The following SEC22C variants were observed in gnomAD, a reference collection of about 807,000 sequenced individuals.
SEC22C encodes vesicle-trafficking protein SEC22c.
Under a neutral mutation model 34.7 loss-of-function variants are expected in SEC22C, and 29 were observed. The ratio of observed to expected loss-of-function variants is 0.84; its 90% CI spans 0.62 to 1.14. SEC22C has a LOEUF of 1.14. Among genes scored for constraint, SEC22C ranks in the 50% most tolerant of loss-of-function variants. SEC22C has a pLI of 0.00. For synonymous variants in SEC22C, 117 were observed against 132.8 expected, an observed-to-expected ratio of 0.88 and a Z score of 0.82; for missense variants, 337 against 369.0, an observed-to-expected ratio of 0.91 and a Z score of 0.71.
intron 1 of SEC22C, among the ~76,000 whole-genome samples, chr3:42,594,170 T>A (rs1704957916): frequency 1.3e-5 from 2 of 152,240 alleles, no homozygotes; most frequent in South Asian, 4.1e-4. Flanking sequence ...TGCGCAAAGA[T>A]AGATCTGGGA....
chr3:42,563,192 G>C (rs183136489), intron 3 of SEC22C, among the ~76,000 whole-genome samples: 1 of 152,222 alleles, frequency 6.6e-6, no homozygotes, highest in Non-Finnish European at 1.5e-5. Context: ...GCATAGCCAC[G>C]TTCTGCTTTA....
At chr3:42,565,471 C>T (rs927674122) in intron 2 of SEC22C, among the ~76,000 whole-genome samples, 5 of 152,014 alleles carry the variant, frequency 3.3e-5, no homozygotes, top group African/African-American at 1.2e-4. Flanking sequence ...TTGAGTTTGT[C>T]CCCCCAAAAA....
At chr3:42,591,970 T>C (rs1387304560) in intron 1 of SEC22C, among the ~76,000 whole-genome samples, 2 of 152,180 alleles carry the variant, frequency 1.3e-5, no homozygotes, top group Non-Finnish European at 2.9e-5. Flanking sequence ...CCTTTCTCTG[T>C]TAAGTGAAGG....
intron 1 of SEC22C, among the ~76,000 whole-genome samples, chr3:42,578,622 T>C (rs1211799158): frequency 6.6e-6 from 1 of 151,974 alleles, no homozygotes; most frequent in Non-Finnish European, 1.5e-5. Flanking sequence ...AATTATATAA[T>C]ATGTAATCAA....
In SEC22C at chr3:42,558,624, T is replaced by TA. The variant is rs1013111518; in HGVS notation, c.527-929dup. On this transcript the variant is annotated intron_variant, in intron 4 of 6. Coordinates refer to ENST00000264454, the MANE Select transcript of SEC22C (RefSeq NM_032970.4). ...CAACATGGTGAAACCCCATCTCTAT[T>TA]AAAAAAAAAATACAAAAATTAGCCA... Among the ~76,000 whole-genome samples, 76 of 147,642 alleles carry TA rather than the reference T, an allele frequency of 5.1e-4. 1 individual carries two copies. In the East Asian group the frequency reaches 8.3e-3, roughly 16 times the overall value.
intron 1 of SEC22C, chr3:42,595,234 CAT>C (rs1443284618): frequency 6.6e-6 from 1 of 152,190 alleles, no homozygotes; most frequent in East Asian, 1.9e-4. Flanking sequence ...ATAAGATTCA[CAT>C]GTTGTATTTT....
chr3:42,593,471 C>CAAAT (rs1483669394), intron 1 of SEC22C, among the ~76,000 whole-genome samples: 1 of 152,086 alleles, frequency 6.6e-6, no homozygotes, highest in Non-Finnish European at 1.5e-5. Context: ...AGGTTATATA[C>CAAAT]AAATACTATG....
At chr3:42,585,786 C>T (rs1704590618), upstream of SEC22C, among the ~76,000 whole-genome samples, 1 of 152,206 alleles carries the variant, frequency 6.6e-6, no homozygotes, top group South Asian at 2.1e-4. Flanking sequence ...CAAAATCTCA[C>T]AACCACACAG....
Position 42,548,906 on chromosome 3 carries a change from C to A in SEC22C, c.*4342G>T. ...TCCTCCCACACACAATGGACTCACCCAGTATTACCCTCCACTACCACTTTT... is the reference window on the plus strand; with the variant it reads ...TCCTCCCACACACAATGGACTCACCAAGTATTACCCTCCACTACCACTTTT... On this transcript the variant is annotated 3_prime_UTR_variant, in exon 7 of 7. Transcript: ENST00000264454. 7.6e-7 allele frequency: 1 copy of A among 1,321,552 alleles called. No homozygotes were observed. The highest frequency in any genetic ancestry group is 9.7e-7 in the Non-Finnish European group (1 of 1,032,026). 81.9% of individuals were successfully genotyped at this position (1,321,552 alleles called of 1,614,324 possible).
intron 1 of SEC22C, among the ~76,000 whole-genome samples, chr3:42,578,289 T>C (rs995163298): frequency 1.3e-5 from 2 of 152,204 alleles, no homozygotes; most frequent in Admixed American, 1.3e-4. Flanking sequence ...TCAAGTGCAT[T>C]ATGCTTGGTT....
intron 6 of SEC22C, among the ~76,000 whole-genome samples, chr3:42,554,527 T>C (rs1242635463): frequency 6.6e-6 from 1 of 151,946 alleles, no homozygotes; most frequent in Non-Finnish European, 1.5e-5. Flanking sequence ...GTATTTTTAT[T>C]ATAATAGAGA....
chr3:42,560,120 CTA>C (rs534462968), intron 4 of SEC22C, among the ~76,000 whole-genome samples: 2,814 of 92,806 alleles, frequency 0.03, 42 homozygotes, highest in African/African-American at 0.069. Context: ...CTCTCTCTCT[CTA>C]TATATATATA....
At chr3:42,556,889 A>T (rs1260172536) in intron 5 of SEC22C, among the ~76,000 whole-genome samples, 1 of 152,000 alleles carries the variant, frequency 6.6e-6, no homozygotes, top group Non-Finnish European at 1.5e-5. Context: ...ACGCCCAGCT[A>T]ATTTTGTATT....
intron 4 of SEC22C, among the ~76,000 whole-genome samples, chr3:42,559,487 A>T (rs7614219): frequency 0.14 from 20,882 of 152,250 alleles, 1,829 homozygotes; most frequent in African/African-American, 0.24. Flanking sequence ...CCTTTTACAA[A>T]AATTAAGTTT....
At chr3:42,591,580 G>A in intron 1 of SEC22C, 3 of 1,613,906 alleles carry the variant, frequency 1.9e-6, no homozygotes, top group Non-Finnish European at 2.5e-6. Flanking sequence ...CAGAACAAGG[G>A]CCGCGGGAAC....
At chr3:42,599,298 CTT>C (rs750529078) in intron 1 of SEC22C, among the ~76,000 whole-genome samples, 6 of 151,052 alleles carry the variant, frequency 4.0e-5, no homozygotes, top group Non-Finnish European at 8.8e-5. Flanking sequence ...AAAAAAAAAA[CTT>C]ATAAAATAGT....
At chr3:42,586,862 C>T (rs1704629152), upstream of SEC22C, among the ~76,000 whole-genome samples, 1 of 152,228 alleles carries the variant, frequency 6.6e-6, no homozygotes, top group Admixed American at 6.5e-5. Context: ...TCACACTGTA[C>T]ATTTCCACAA....
At chr3:42,570,339 A>AT (rs928513499) in intron 1 of SEC22C, among the ~76,000 whole-genome samples, 1 of 152,174 alleles carries the variant, frequency 6.6e-6, no homozygotes, top group Non-Finnish European at 1.5e-5. Context: ...CCTCTTTTAA[A>AT]TTCTTAGGAA....
In SEC22C at chr3:42,549,951, G is replaced by A. The variant is rs1011709072; in HGVS notation, c.*3297C>T. 5 of 985,320 alleles carry A rather than the reference G, an allele frequency of 5.1e-6. No individual in the cohort carries two copies. In the African/African-American group the frequency reaches 8.7e-5, roughly 17 times the overall value. The allele number at this position is 985,320 out of a possible 1,614,324, so 61.0% of individuals were successfully genotyped here. Reference sequence around the variant, plus strand: ...GCAGTGGGGCCTCTGGTACTGAGAGGGAATGCCACCCGAATATGCCCCAGC... The same window carrying A: ...GCAGTGGGGCCTCTGGTACTGAGAGAGAATGCCACCCGAATATGCCCCAGC... On this transcript the variant is annotated 3_prime_UTR_variant, in exon 7 of 7. Coordinates refer to ENST00000264454, the MANE Select transcript of SEC22C (RefSeq NM_032970.4).
Sources: gnomAD v4.1 joint callset for allele counts (sites outside exome capture counted in the v4.1 genomes callset) on GRCh38, gnomAD v4.1.1 for gene constraint, MANE v1.5 for transcripts, NCBI Gene and HGNC (gene_info 2026-07-23, HGNC 2026-07-21) for gene names.